The following MAF variants were observed in gnomAD, a reference collection of about 807,000 sequenced individuals.
MAF encodes MAF bZIP transcription factor.
MAF carries 10 observed loss-of-function variants against 22.0 expected under a neutral mutation model. That is an observed-to-expected ratio of 0.45 (90% CI 0.28 to 0.77). The LOEUF is 0.77. MAF is among the 30% of genes least tolerant of loss of function. The pLI is 0.12. For missense variants in MAF, 544 were observed against 548.4 expected, an observed-to-expected ratio of 0.99 and a Z score of 0.08; for synonymous variants, 337 against 255.8, an observed-to-expected ratio of 1.32 and a Z score of -3.03.
At chr16:79,442,054 T>A in the MAF span, among the ~76,000 whole-genome samples, 1 of 152,206 alleles carries the variant, frequency 6.6e-6, no homozygotes, top group Non-Finnish European at 1.5e-5. Flanking sequence ...GACAGAGGAA[T>A]GGGATGGGCT....
At chr16:79,386,801 A>G in the MAF span, among the ~76,000 whole-genome samples, 2 of 152,158 alleles carry the variant, frequency 1.3e-5, no homozygotes, top group African/African-American at 4.8e-5. Context: ...AGCCATCCTT[A>G]GAGCCAAAAG....
the MAF span, among the ~76,000 whole-genome samples, chr16:79,476,453 A>T: frequency 6.6e-6 from 1 of 152,254 alleles, no homozygotes; most frequent in Non-Finnish European, 1.5e-5. Flanking sequence ...AAGTTCAAAC[A>T]ATGAAATGAA....
At chr16:79,592,274 T>C (rs575336522), downstream of MAF, among the ~76,000 whole-genome samples, 1 of 152,340 alleles carries the variant, frequency 6.6e-6, no homozygotes, top group African/African-American at 2.4e-5. Flanking sequence ...ACTGTGTTTC[T>C]TTATGCCCTA....
chr16:79,573,501 A>T, the MAF span, among the ~76,000 whole-genome samples: 986 of 152,344 alleles, frequency 6.5e-3, 15 homozygotes, highest in African/African-American at 0.022. Context: ...TCTGGAAAGC[A>T]TTGATCAAAC....
At chr16:79,567,969 C>T in the MAF span, among the ~76,000 whole-genome samples, 2 of 152,138 alleles carry the variant, frequency 1.3e-5, no homozygotes, top group African/African-American at 4.8e-5. Context: ...CTTCTTGTAT[C>T]GACAGACTCC....
the MAF span, chr16:79,212,247 C>G: frequency 3.0e-6 from 4 of 1,334,996 alleles, no homozygotes; most frequent in Non-Finnish European, 4.0e-6. Context: ...TGCATTGATC[C>G]AGGAGATAAT....
the MAF span, among the ~76,000 whole-genome samples, chr16:79,524,968 G>A: frequency 0.061 from 9,323 of 152,210 alleles, 372 homozygotes; most frequent in South Asian, 0.15. Context: ...TTACTTTAAG[G>A]TGACAATTTC....
the MAF span, among the ~76,000 whole-genome samples, chr16:79,216,909 A>G: frequency 2.9e-3 from 438 of 151,710 alleles, 5 homozygotes; most frequent in Admixed American, 0.022. Context: ...TCCGGGGTTC[A>G]AGAGATTCTC....
the MAF span, among the ~76,000 whole-genome samples, chr16:79,218,800 A>C: frequency 6.6e-6 from 1 of 152,138 alleles, no homozygotes; most frequent in Non-Finnish European, 1.5e-5. Context: ...AGTCCATCCA[A>C]GCTACTGCAC....
the MAF span, among the ~76,000 whole-genome samples, chr16:79,249,048 T>C: frequency 2.0e-5 from 3 of 152,114 alleles, no homozygotes; most frequent in African/African-American, 7.2e-5. Flanking sequence ...CCCAGTGCAA[T>C]AGTATTGAGA....
the MAF span, among the ~76,000 whole-genome samples, chr16:79,385,301 T>G: frequency 2.6e-5 from 4 of 152,244 alleles, no homozygotes; most frequent in Admixed American, 2.6e-4. Context: ...ACAGAGTTGC[T>G]CATTGGATTA....
the MAF span, among the ~76,000 whole-genome samples, chr16:79,376,311 C>T: frequency 2.0e-5 from 3 of 152,012 alleles, no homozygotes; most frequent in African/African-American, 7.2e-5. Flanking sequence ...TTTCTTGAAA[C>T]TTCTTTGCTT....
chr16:79,300,458 G>C, the MAF span, among the ~76,000 whole-genome samples: 1 of 152,126 alleles, frequency 6.6e-6, no homozygotes, highest in African/African-American at 2.4e-5. Flanking sequence ...AGGAGGCTGA[G>C]TCAGGAGAAT....
the MAF span, chr16:79,211,941 A>C: frequency 7.2e-6 from 11 of 1,537,426 alleles, no homozygotes; most frequent in African/African-American, 2.7e-5. Context: ...AGAGTGAAAA[A>C]TCTTAAGTAC....
At chr16:79,442,081 A>G in the MAF span, among the ~76,000 whole-genome samples, 5 of 152,264 alleles carry the variant, frequency 3.3e-5, no homozygotes, top group Admixed American at 3.3e-4. Flanking sequence ...CAGACCCTTC[A>G]GAGGGAAAGT....
the MAF span, among the ~76,000 whole-genome samples, chr16:79,508,679 G>C: frequency 1.3e-5 from 2 of 152,148 alleles, no homozygotes; most frequent in African/African-American, 4.8e-5. Context: ...ATATAGCACA[G>C]ACTACATAAA....
the MAF span, among the ~76,000 whole-genome samples, chr16:79,331,254 G>C: frequency 2.0e-4 from 31 of 152,306 alleles, no homozygotes; most frequent in African/African-American, 6.7e-4. Context: ...TGGAGTGTGT[G>C]TGACTGCCAC....
chr16:79,245,479 G>A, the MAF span, among the ~76,000 whole-genome samples: 1 of 152,098 alleles, frequency 6.6e-6, no homozygotes, highest in African/African-American at 2.4e-5. Flanking sequence ...CTGGTCATTA[G>A]AGAAATGCAA....
At chr16:79,381,139 T>C in the MAF span, among the ~76,000 whole-genome samples, 1 of 152,234 alleles carries the variant, frequency 6.6e-6, no homozygotes, top group South Asian at 2.1e-4. Flanking sequence ...CAGCTAGAGA[T>C]CAATGATAAG....
Sources: gnomAD v4.1 joint callset for allele counts (sites outside exome capture counted in the v4.1 genomes callset) on GRCh38, gnomAD v4.1.1 for gene constraint, MANE v1.5 for transcripts, NCBI Gene and HGNC (gene_info 2026-07-23, HGNC 2026-07-21) for gene names.